The following ZNF469 variants were observed in gnomAD, a reference collection of about 807,000 sequenced individuals.
The protein encoded by ZNF469 is zinc finger protein 469.
A neutral mutation model predicts 1.0 loss-of-function variants in ZNF469; 1 was observed. That is an observed-to-expected ratio of 1.00 (90% CI 0.35 to 4.73). The LOEUF is 4.73. Among genes scored for constraint, ZNF469 ranks in the 30% most tolerant of loss-of-function variants. The pLI is 0.16. For missense variants in ZNF469, 6,100 were observed against 5,356.3 expected (o/e 1.14, Z -4.33); for synonymous variants, 2,703 against 2,363.4 (o/e 1.14, Z -4.17).
chr16:88,364,819 A>G, the ZNF469 span, among the ~76,000 whole-genome samples: 3 of 151,916 alleles, frequency 2.0e-5, no homozygotes, highest in Admixed American at 6.6e-5. Flanking sequence ...ACAAAAATAA[A>G]CTGGGTGTGG....
At chr16:88,290,671 C>T in the ZNF469 span, among the ~76,000 whole-genome samples, 1 of 152,246 alleles carries the variant, frequency 6.6e-6, no homozygotes, top group African/African-American at 2.4e-5. Context: ...ATCCCCACCA[C>T]CCCCCAACCT....
chr16:88,167,007 G>C, the ZNF469 span, among the ~76,000 whole-genome samples: 1 of 149,198 alleles, frequency 6.7e-6, no homozygotes, highest in Non-Finnish European at 1.5e-5. Context: ...CCATGCTGTG[G>C]TCTTCAGGTG....
the ZNF469 span, among the ~76,000 whole-genome samples, chr16:88,289,399 A>T: frequency 6.6e-6 from 1 of 150,758 alleles, no homozygotes; most frequent in South Asian, 2.1e-4. Context: ...GATCATGATG[A>T]TGGTGATGAT....
the ZNF469 span, among the ~76,000 whole-genome samples, chr16:88,158,533 C>T: frequency 2.1e-5 from 3 of 142,602 alleles, no homozygotes; most frequent in Admixed American, 7.0e-5. Context: ...CCTGCCTCTG[C>T]GCAGAAGCCT....
chr16:88,232,647 AG>A, the ZNF469 span, among the ~76,000 whole-genome samples: 1 of 152,180 alleles, frequency 6.6e-6, no homozygotes, highest in South Asian at 2.1e-4. Context: ...TGCCTGAGAG[AG>A]GGTCAGCCTG....
rs761406489 is a variant in ZNF469 at position 88,431,034 on chromosome 16, C to T, written c.3564C>T (p.Gly1188=). 1 of 1,546,494 alleles carries T rather than the reference C, an allele frequency of 6.5e-7. No individual in the cohort carries two copies. The highest frequency in any genetic ancestry group is 2.0e-5 in the Admixed American group (1 of 50,984). The change falls in exon 3 of 3, where the codon GGC becomes GGT. Residue 1188 remains glycine, a synonymous_variant. Transcript: ENST00000565624. ...LETGAAAREG[G]PKCADRPSVA... is the part of the protein sequence containing the mutation. ...CGGGAGCGGCCGCCAGGGAGGGAGG[C>T]CCCAAGTGTGCTGATCGCCCCTCAG...
chr16:88,331,433 A>G, the ZNF469 span, among the ~76,000 whole-genome samples: 1 of 151,188 alleles, frequency 6.6e-6, no homozygotes, highest in Non-Finnish European at 1.5e-5. Context: ...CAACACCACC[A>G]TCATAACCAT....
the ZNF469 span, among the ~76,000 whole-genome samples, chr16:88,314,459 C>T: frequency 9.9e-4 from 128 of 128,892 alleles, 5 homozygotes; most frequent in African/African-American, 3.5e-3. Flanking sequence ...TGTGGACTGT[C>T]ATCTCTGTAA....
chr16:88,107,689 C>T, the ZNF469 span, among the ~76,000 whole-genome samples: 4,805 of 152,318 alleles, frequency 0.032, 192 homozygotes, highest in East Asian at 0.2. Context: ...GAGGAAGATT[C>T]GGCCCACACA....
the ZNF469 span, among the ~76,000 whole-genome samples, chr16:88,243,135 G>T: frequency 1.3e-5 from 2 of 152,320 alleles, no homozygotes; most frequent in Admixed American, 6.5e-5. Flanking sequence ...GGCTCACGAG[G>T]CTGGAAGACA....
chr16:88,354,645 T>C, the ZNF469 span, among the ~76,000 whole-genome samples: 1 of 151,998 alleles, frequency 6.6e-6, no homozygotes, highest in East Asian at 1.9e-4. Context: ...CCAGCTCAAA[T>C]GGAATCGAGG....
the ZNF469 span, among the ~76,000 whole-genome samples, chr16:88,119,687 C>A: frequency 6.6e-6 from 1 of 152,190 alleles, no homozygotes; most frequent in Non-Finnish European, 1.5e-5. Context: ...CTGGCCGGCC[C>A]AGCTCTGGAT....
At chr16:88,401,905 TG>T in intron 1 of ZNF469, among the ~76,000 whole-genome samples, 1 of 143,344 alleles carries the variant, frequency 7.0e-6, no homozygotes, top group South Asian at 2.2e-4. Context: ...AGTGGATGGA[TG>T]GAGGGATGGA....
At chr16:88,357,102 G>A in the ZNF469 span, among the ~76,000 whole-genome samples, 1 of 152,228 alleles carries the variant, frequency 6.6e-6, no homozygotes, top group African/African-American at 2.4e-5. Flanking sequence ...CCCGGGCCGG[G>A]CTGGCCCTTG....
chr16:88,159,547 C>A, the ZNF469 span, among the ~76,000 whole-genome samples: 1 of 152,126 alleles, frequency 6.6e-6, no homozygotes, highest in Non-Finnish European at 1.5e-5. Context: ...GCGCAGCGTA[C>A]GGAGAGAGGG....
chr16:88,325,124 C>A, the ZNF469 span, among the ~76,000 whole-genome samples: 2 of 149,016 alleles, frequency 1.3e-5, no homozygotes, highest in Non-Finnish European at 3.0e-5. Flanking sequence ...CAAGTCCTCA[C>A]CTGCACACTC....
chr16:88,335,311 G>A, the ZNF469 span, among the ~76,000 whole-genome samples: 1 of 152,246 alleles, frequency 6.6e-6, no homozygotes, highest in Non-Finnish European at 1.5e-5. Context: ...ATATCTGGAT[G>A]CACGTCAGGA....
the ZNF469 span, among the ~76,000 whole-genome samples, chr16:88,189,052 G>A: frequency 6.6e-6 from 1 of 152,036 alleles, no homozygotes; most frequent in Non-Finnish European, 1.5e-5. The surrounding 1 kb of genome is among the most constrained non-coding windows in gnomAD (Gnocchi z 4.3). Context: ...ATGAGGGGAG[G>A]ATGTCTCACT....
At chr16:88,398,565 G>A (rs142198469) in intron 1 of ZNF469, among the ~76,000 whole-genome samples, 1 of 147,010 alleles carries the variant, frequency 6.8e-6, no homozygotes, top group Non-Finnish European at 1.5e-5. Flanking sequence ...GAGAATGCGC[G>A]AGCCACAGAC....
Sources: gnomAD v4.1 joint callset for allele counts (sites outside exome capture counted in the v4.1 genomes callset) on GRCh38, gnomAD v4.1.1 for gene constraint, Gnocchi (gnomAD v3.1) non-coding constraint, MANE v1.5 for transcripts, NCBI Gene and HGNC (gene_info 2026-07-23, HGNC 2026-07-21) for gene names.